The following ANO2 variants were observed in gnomAD, a reference collection of about 807,000 sequenced individuals.
The protein encoded by ANO2 is anoctamin-2.
A neutral mutation model predicts 124.2 loss-of-function variants in ANO2; 101 were observed. The ratio of observed to expected loss-of-function variants is 0.81; its 90% CI spans 0.69 to 0.96. ANO2 has a LOEUF of 0.96. Ranked by LOEUF, ANO2 falls within the 40% of genes least tolerant of loss-of-function variation. ANO2 has a pLI of 0.00. For missense variants in ANO2, 1,293 were observed against 1,274.5 expected (o/e 1.01, Z -0.22); for synonymous variants, 486 against 482.5 (o/e 1.01, Z -0.09).
intron 16 of ANO2, among the ~76,000 whole-genome samples, chr12:5,616,986 G>A (rs993490992): frequency 8.0e-5 from 11 of 138,260 alleles, no homozygotes; most frequent in African/African-American, 2.7e-4. Context: ...ACACAGTACC[G>A]CATCCTCCAG....
Position 5,917,898 on chromosome 12 carries a change from C to A in ANO2, c.534+3142G>T, listed in dbSNP as rs577622120. Among the ~76,000 whole-genome samples, 26 of 152,220 alleles carry A rather than the reference C, an allele frequency of 1.7e-4. No homozygotes were observed. In the South Asian group the frequency reaches 5.2e-3, roughly 30 times the overall value. ...TATTTCCTTTTTATAGACCAGGAAG[C>A]TTTACCAAAAGGATGAGGTAAGCTA... On this transcript the variant is annotated intron_variant, in intron 3 of 24. Transcript: ENST00000682330.
At chr12:5,687,658 T>C (rs1948760577) in intron 14 of ANO2, among the ~76,000 whole-genome samples, 2 of 152,258 alleles carry the variant, frequency 1.3e-5, no homozygotes, top group South Asian at 2.1e-4. Flanking sequence ...CTTGGAGTGC[T>C]GCACAAATAC....
chr12:5,774,737 G>A (rs893231755), intron 10 of ANO2, among the ~76,000 whole-genome samples: 1 of 152,136 alleles, frequency 6.6e-6, no homozygotes, highest in Non-Finnish European at 1.5e-5. Context: ...GAGACAGGCT[G>A]TGCCCATCCT....
intron 14 of ANO2, among the ~76,000 whole-genome samples, chr12:5,703,420 C>G (rs754060509): frequency 3.3e-5 from 5 of 152,202 alleles, no homozygotes; most frequent in Non-Finnish European, 7.3e-5. Flanking sequence ...GGGGCGCCCA[C>G]ATGCTTCAAT....
intron 3 of ANO2, among the ~76,000 whole-genome samples, chr12:5,864,541 C>T (rs1488749364): frequency 6.6e-6 from 1 of 152,186 alleles, no homozygotes; most frequent in African/African-American, 2.4e-5. Flanking sequence ...GCTGTGGATG[C>T]TAACTCTCAG....
intron 3 of ANO2, among the ~76,000 whole-genome samples, chr12:5,854,979 C>T (rs1164352636): frequency 1.3e-5 from 2 of 148,358 alleles, no homozygotes; most frequent in Non-Finnish European, 3.0e-5. Context: ...GGAAAAAATA[C>T]TTTCTGATAT....
At chr12:5,608,114 A>G (rs1944309260) in intron 19 of ANO2, among the ~76,000 whole-genome samples, 1 of 151,784 alleles carries the variant, frequency 6.6e-6, no homozygotes, top group Non-Finnish European at 1.5e-5. Context: ...TAATTTTTAT[A>G]ATTTACATGA....
intron 5 of ANO2, 77 bp downstream of exon 5, chr12:5,832,375 G>A (rs1954179198): frequency 1.9e-6 from 3 of 1,556,454 alleles, no homozygotes; most frequent in Non-Finnish European, 2.6e-6. Flanking sequence ...GGAGCCCCAG[G>A]GCTGAGTCAT....
rs568271507 is a variant in ANO2 at position 5,659,352 on chromosome 12, C to T, written c.1546-11551G>A. On this transcript the variant is annotated intron_variant, in intron 14 of 24. Coordinates refer to ENST00000682330, the MANE Select transcript of ANO2 (RefSeq NM_001364791.2). ...TAGCTCCTGTCACCATAATGTCAGC[C>T]TGCAAAATGGTCTTGCTCCCCACAG... is the stretch of plus-strand genomic sequence containing the variant. Among the ~76,000 whole-genome samples the T allele has an allele frequency of 4.6e-5, 7 of 152,278 alleles. 1 individual carries two copies. The South Asian group carries it at 1.5e-3, about 32-fold the overall frequency.
At chr12:5,634,395 G>C (rs1253296367) in intron 16 of ANO2, among the ~76,000 whole-genome samples, 1 of 152,150 alleles carries the variant, frequency 6.6e-6, no homozygotes, top group African/African-American at 2.4e-5. Context: ...AGAAGCTGGG[G>C]CTCCTCGTTA....
intron 3 of ANO2, among the ~76,000 whole-genome samples, chr12:5,875,850 T>C (rs1000541622): frequency 6.6e-6 from 1 of 151,754 alleles, no homozygotes; most frequent in Non-Finnish European, 1.5e-5. Context: ...AGCCCCTCTA[T>C]GACTGGTTCA....
chr12:5,927,796 G>A (rs1228987552), intron 1 of ANO2, among the ~76,000 whole-genome samples: 2 of 152,218 alleles, frequency 1.3e-5, no homozygotes, highest in Non-Finnish European at 2.9e-5. Flanking sequence ...GAGGAAGATG[G>A]CTGAGAGGCA....
intron 4 of ANO2, among the ~76,000 whole-genome samples, chr12:5,839,217 C>T (rs1044240376): frequency 1.3e-5 from 2 of 152,086 alleles, no homozygotes; most frequent in Non-Finnish European, 2.9e-5. Context: ...AGCTCTAAGT[C>T]TGGGGAGAGC....
At chr12:5,774,644 G>A (rs777121054) in intron 10 of ANO2, among the ~76,000 whole-genome samples, 5 of 152,248 alleles carry the variant, frequency 3.3e-5, no homozygotes, top group Non-Finnish European at 7.4e-5. Flanking sequence ...TAATGTTTCC[G>A]AAGGACACCT....
chr12:5,789,452 T>C (rs914900714), intron 10 of ANO2, among the ~76,000 whole-genome samples: 6 of 152,234 alleles, frequency 3.9e-5, no homozygotes, highest in African/African-American at 1.4e-4. Flanking sequence ...ATGTGGACTC[T>C]ATGAAAGAAA....
At chr12:5,928,282 C>T (rs1399873597) in intron 1 of ANO2, among the ~76,000 whole-genome samples, 2 of 152,138 alleles carry the variant, frequency 1.3e-5, no homozygotes, top group African/African-American at 2.4e-5. Context: ...AAATGAGGGG[C>T]CACCTCCATC....
chr12:5,727,618 T>A (rs916500424), intron 14 of ANO2, among the ~76,000 whole-genome samples: 2 of 146,748 alleles, frequency 1.4e-5, no homozygotes, highest in African/African-American at 5.0e-5. Context: ...AGCAAGGAAG[T>A]CCATTCTCAC....
At chr12:5,723,475 A>G (rs1376647481) in intron 14 of ANO2, among the ~76,000 whole-genome samples, 1 of 151,844 alleles carries the variant, frequency 6.6e-6, no homozygotes, top group Non-Finnish European at 1.5e-5. Context: ...CTACCCATAC[A>G]TTTCCTTGCT....
At chr12:5,690,461 C>A (rs1370821699) in intron 14 of ANO2, among the ~76,000 whole-genome samples, 1 of 152,218 alleles carries the variant, frequency 6.6e-6, no homozygotes, top group African/African-American at 2.4e-5. Flanking sequence ...CACGTTAACA[C>A]AACTTGGCCA....
Sources: allele counts gnomAD v4.1 joint callset (sites outside exome capture counted in the v4.1 genomes callset), GRCh38; gene constraint gnomAD v4.1.1; transcripts MANE v1.5; gene names NCBI Gene and HGNC (gene_info 2026-07-23, HGNC 2026-07-21).